The following NPHP4 variants were observed in gnomAD, a reference collection of about 807,000 sequenced individuals.
NPHP4 encodes nephrocystin 4, also known as nephrocystin-4.
In NPHP4, 151 loss-of-function variants were observed where a neutral mutation model predicts 155.8. The ratio of observed to expected loss-of-function variants is 0.97; its 90% confidence interval spans 0.85 to 1.11. The LOEUF (loss-of-function observed/expected upper bound fraction) is 1.11. NPHP4 is among the 50% of genes least tolerant of loss of function. NPHP4 has a pLI of 0.00. For missense variants in NPHP4, 1,956 were observed against 1,925.7 expected, an observed-to-expected ratio of 1.02 and a Z score of -0.29; for synonymous variants, 845 against 816.8, an observed-to-expected ratio of 1.03 and a Z score of -0.59.
chr1:5,909,067 A>T, intron 12 of NPHP4, 85 bp downstream of exon 12: 1 of 1,138,182 alleles, frequency 8.8e-7, no homozygotes, highest in Non-Finnish European at 1.3e-6. Context: ...GCAGGGATCC[A>T]CTGTGCTTAA....
chr1:5,933,178 T>G lies in NPHP4; in HGVS notation c.1271A>C (p.Lys424Thr). ...AGAGCTCATGCTGGCTGAGGGTACC[T>G]TGTAGACCAGACAGTGCGAGGGGTT... ...QPNPSHCLVY[K>T]VPSASMSSEE... Residue 424 changes from lysine (K) to threonine (T), a missense_variant, in exon 10 of 30, where the codon AAG becomes ACG. Physicochemically the swap from Lys to Thr is moderately conservative, Grantham distance 78 (BLOSUM62 -1). Transcript: ENST00000378156. 1 of 1,610,268 alleles carries G rather than the reference T, an allele frequency of 6.2e-7. No individual in the cohort carries two copies. The highest frequency in any genetic ancestry group is 8.5e-7 in the Non-Finnish European group (1 of 1,177,186).
intron 23 of NPHP4, chr1:5,868,397 C>G (rs577768935): frequency 4.0e-6 from 1 of 248,904 alleles, no homozygotes; most frequent in African/African-American, 2.2e-5. Flanking sequence ...TAGAAACTTT[C>G]CTGGTTTCAA....
chr1:5,948,499 G>A (rs531427709), intron 7 of NPHP4, among the ~76,000 whole-genome samples: 92 of 152,298 alleles, frequency 6.0e-4, no homozygotes, highest in African/African-American at 2.1e-3. Context: ...TCTCAGCAAC[G>A]CACACCCTCA....
At chr1:5,981,324 C>T (rs1213725346) in intron 2 of NPHP4, among the ~76,000 whole-genome samples, 1 of 152,190 alleles carries the variant, frequency 6.6e-6, no homozygotes, top group Non-Finnish European at 1.5e-5. Context: ...TAAGAATCCA[C>T]TGAGAGCTTC....
chr1:5,988,953 C>A (rs570090244), intron 1 of NPHP4, among the ~76,000 whole-genome samples: 34 of 152,322 alleles, frequency 2.2e-4, no homozygotes, highest in African/African-American at 7.9e-4. Flanking sequence ...AGCAGGCACA[C>A]ATGCTGGTTT....
Position 5,969,216 on chromosome 1 carries a change from G to T in NPHP4, c.323C>A (p.Ala108Asp). 1.9e-6 allele frequency: 3 copies of T among 1,584,038 alleles called. No individual in the cohort carries two copies. Among genetic ancestry groups the T allele is most frequent in the Non-Finnish European group, 2.6e-6 (3 of 1,162,396 alleles). ...GCCCTCAGCGACCACTTCCACCACA[G>T]CCACGATATGAGGGTGGTTTAGGGA... is the stretch of plus-strand genomic sequence containing the variant. ...HTSLNHPHIV[A>D]VVEVVAEGKK... Residue 108 changes from alanine (A) to aspartate (D), a missense_variant, in exon 4 of 30, where the codon GCT (alanine) becomes GAT (aspartate). Physicochemically the swap from Ala to Asp is moderately radical, Grantham distance 126. Transcript: ENST00000378156.
At chr1:5,908,690 T>C (rs1167728961) in intron 12 of NPHP4, among the ~76,000 whole-genome samples, 1 of 152,222 alleles carries the variant, frequency 6.6e-6, no homozygotes, top group East Asian at 1.9e-4. Context: ...TGCCAGCAGC[T>C]TGTGGTTCTC....
intron 5 of NPHP4, among the ~76,000 whole-genome samples, chr1:5,967,070 C>T (rs777928353): frequency 1.2e-4 from 18 of 152,348 alleles, no homozygotes; most frequent in African/African-American, 2.2e-4. Flanking sequence ...CAGGCGCTCC[C>T]GTGCTCATCC....
At chr1:5,987,334 G>A (rs1449098061) in intron 1 of NPHP4, among the ~76,000 whole-genome samples, 1 of 152,134 alleles carries the variant, frequency 6.6e-6, no homozygotes, top group African/African-American at 2.4e-5. Context: ...AAGTGGGTTT[G>A]GCCTTCTAAG....
At chr1:5,952,166 C>G (rs916515912) in intron 7 of NPHP4, among the ~76,000 whole-genome samples, 2 of 152,178 alleles carry the variant, frequency 1.3e-5, no homozygotes, top group African/African-American at 2.4e-5. Flanking sequence ...GCCGAGGGGA[C>G]AGTGAGTCTG....
At position 5,921,513 on chromosome 1, in the gene NPHP4, C is replaced by T. The variant is rs183715946; in HGVS notation, c.1441+6136G>A. On this transcript the variant is annotated intron_variant, in intron 11 of 29. Coordinates refer to ENST00000378156, the MANE Select transcript of NPHP4 (RefSeq NM_015102.5). The stretch of plus-strand genomic sequence containing the variant: ...TGCACTATTAGACATCTGGATTCCT[C>T]CAATATGAGGGGAATAAAACGGTTT... Among the ~76,000 whole-genome samples the T allele has an allele frequency of 4.2e-3, 638 of 152,324 alleles. 5 individuals are homozygous for T. Among genetic ancestry groups the T allele is most frequent in the African/African-American group, 0.014 (591 of 41,562 alleles).
chr1:5,866,754 G>C (rs1641273150), intron 25 of NPHP4, among the ~76,000 whole-genome samples: 1 of 152,128 alleles, frequency 6.6e-6, no homozygotes, highest in South Asian at 2.1e-4. Context: ...TAATTAATAA[G>C]TGCCTTAATT....
chr1:5,909,654 C>A (rs1038293857), intron 11 of NPHP4, among the ~76,000 whole-genome samples: 1 of 152,138 alleles, frequency 6.6e-6, no homozygotes, highest in African/African-American at 2.4e-5. Flanking sequence ...ACCTGGCTTG[C>A]GGCCTCACGA....
chr1:5,929,717 T>G (rs1208604034), intron 10 of NPHP4, among the ~76,000 whole-genome samples: 1 of 152,202 alleles, frequency 6.6e-6, no homozygotes, highest in Non-Finnish European at 1.5e-5. Flanking sequence ...TTGTTGAGTA[T>G]TTTGCACCTA....
At chr1:5,868,277 G>A (rs555436923) in intron 23 of NPHP4, 2 of 354,084 alleles carry the variant, frequency 5.6e-6, no homozygotes, top group Admixed American at 4.1e-5. Flanking sequence ...AGGCCAGGAG[G>A]TCCTGGAGTG....
rs1553184391 is a variant in NPHP4 at position 5,944,294 on chromosome 1, A to ACACCCAGCTGAAAAAATCCC, written c.1119+2790_1119+2809dup. On this transcript the variant is annotated intron_variant, in intron 9 of 29. Transcript: ENST00000378156. The surrounding 1 kb of genome is among the most constrained non-coding windows in gnomAD (Gnocchi z 4.3). ...GACGCTGCAGCCGGAAGGCACAACC[A>ACACCCAGCTGAAAAAATCCC]CACCCAGCTGAAAAAATCCCCACCC... 1.3e-5 allele frequency among the ~76,000 whole-genome samples: 2 copies of ACACCCAGCTGAAAAAATCCC among 152,156 alleles called. No individual in the cohort carries two copies. Among genetic ancestry groups the ACACCCAGCTGAAAAAATCCC allele is most frequent in the East Asian group, 3.9e-4 (2 of 5,176 alleles).
chr1:5,969,864 G>A (rs1306473293), intron 3 of NPHP4, among the ~76,000 whole-genome samples: 1 of 152,174 alleles, frequency 6.6e-6, no homozygotes, highest in Admixed American at 6.5e-5. Context: ...TAGGTGCTAA[G>A]TAATTATCCC....
intron 5 of NPHP4, among the ~76,000 whole-genome samples, chr1:5,963,769 C>T (rs1038468760): frequency 3.3e-5 from 5 of 150,662 alleles, no homozygotes; most frequent in Non-Finnish European, 7.4e-5. Context: ...CTCACTGCAA[C>T]CTCCGCCTCC....
intron 1 of NPHP4, among the ~76,000 whole-genome samples, chr1:5,991,776 G>A (rs1037801472): frequency 6.6e-6 from 1 of 152,112 alleles, no homozygotes; most frequent in Non-Finnish European, 1.5e-5. Context: ...CTGGAGCCGG[G>A]GGGCGGGGAG....
Sources: gnomAD v4.1 joint callset for allele counts (sites outside exome capture counted in the v4.1 genomes callset) on GRCh38, gnomAD v4.1.1 for gene constraint, Gnocchi (gnomAD v3.1) non-coding constraint, MANE v1.5 for transcripts, NCBI Gene and HGNC (gene_info 2026-07-23, HGNC 2026-07-21) for gene names.